DNM3: variants seen among roughly 807,000 people sequenced by gnomAD.
The protein encoded by DNM3 is dynamin-3.
A neutral mutation model predicts 101.6 loss-of-function variants in DNM3; 47 were observed. That is an observed-to-expected ratio of 0.46 (90% confidence interval 0.37 to 0.59). The LOEUF is 0.59. DNM3 is among the 20% of genes least tolerant of loss of function. The pLI is 0.00. For missense variants in DNM3, 849 were observed against 1,085.7 expected (o/e 0.78, Z 3.06); for synonymous variants, 385 against 387.9 (o/e 0.99, Z 0.09).
chr1:172,025,099 G>C lies in DNM3; in HGVS notation c.590-7303G>C, dbSNP rs139589396. ...CAGCAGTCTGAAGTTGACCTGGGAC[G>C]CTTGAGCTTTGTTTGGGGAGGGGCG... On this transcript the variant is annotated intron_variant, in intron 4 of 20. Coordinates refer to ENST00000627582, the MANE Select transcript of DNM3 (RefSeq NM_015569.5). 1.4e-4 allele frequency among the ~76,000 whole-genome samples: 21 copies of C among 152,214 alleles called. 1 individual carries two copies. The highest frequency in any genetic ancestry group is 6.5e-5 in the Admixed American group (1 of 15,288).
intron 4 of DNM3, among the ~76,000 whole-genome samples, chr1:172,000,908 G>C (rs2046319380): frequency 6.6e-6 from 1 of 152,086 alleles, no homozygotes; most frequent in Non-Finnish European, 1.5e-5. Context: ...GTTTCTGAAA[G>C]ATGGGAGATA....
At chr1:172,377,367 T>G (rs1434646545) in intron 17 of DNM3, among the ~76,000 whole-genome samples, 2 of 151,660 alleles carry the variant, frequency 1.3e-5, no homozygotes, top group African/African-American at 4.8e-5. Flanking sequence ...TGGTAGTAGG[T>G]TTATGCTGAA....
intron 13 of DNM3, among the ~76,000 whole-genome samples, chr1:172,095,265 A>C (rs2054169745): frequency 6.6e-6 from 1 of 152,190 alleles, no homozygotes; most frequent in Admixed American, 6.5e-5. Context: ...CTATTTCTGC[A>C]GTGAAACAAA....
intron 14 of DNM3, among the ~76,000 whole-genome samples, chr1:172,178,021 T>C (rs1340194980): frequency 6.6e-6 from 1 of 151,932 alleles, no homozygotes; most frequent in East Asian, 1.9e-4. Context: ...AGCTAGATGG[T>C]CTAGCCCACT....
chr1:172,231,080 T>C (rs1476635988), intron 14 of DNM3, among the ~76,000 whole-genome samples: 1 of 151,862 alleles, frequency 6.6e-6, no homozygotes, highest in Admixed American at 6.5e-5. Context: ...GTGACTACCA[T>C]AGTTATGTCT....
chr1:172,256,294 CTGTT>C (rs201594094), intron 15 of DNM3, among the ~76,000 whole-genome samples: 2,755 of 152,100 alleles, frequency 0.018, 37 homozygotes, highest in Non-Finnish European at 0.028. Flanking sequence ...TATTAGCTGA[CTGTT>C]TGGTGGAAGT....
intron 20 of DNM3, among the ~76,000 whole-genome samples, chr1:172,391,557 G>C (rs545419506): frequency 6.6e-6 from 1 of 152,130 alleles, no homozygotes; most frequent in Non-Finnish European, 1.5e-5. Flanking sequence ...TGAGAGAAGC[G>C]CTTGTTGAAA....
chr1:172,276,556 A>AGTGTGTGTGT (rs1557919059), intron 15 of DNM3, among the ~76,000 whole-genome samples: 1 of 18,650 alleles, frequency 5.4e-5, no homozygotes, highest in African/African-American at 1.4e-4. Context: ...AAAAAATCTT[A>AGTGTGTGTGT]ATGTGTGTGT....
intron 19 of DNM3, among the ~76,000 whole-genome samples, chr1:172,388,059 C>A (rs1174232037): frequency 1.3e-5 from 2 of 151,980 alleles, no homozygotes; most frequent in African/African-American, 4.8e-5. Context: ...CATAGTGAAA[C>A]CCTGTCCCTA....
At chr1:172,309,684 G>A (rs1355695100) in intron 16 of DNM3, 1 of 152,218 alleles carries the variant, frequency 6.6e-6, no homozygotes, top group Admixed American at 6.5e-5. Context: ...TTATAGGAAT[G>A]ATCATGCATG....
chr1:171,928,005 T>C (rs564903585), intron 2 of DNM3, among the ~76,000 whole-genome samples: 12 of 152,184 alleles, frequency 7.9e-5, no homozygotes, highest in African/African-American at 2.7e-4. Context: ...TTGAATACAG[T>C]TGATAGACTT....
chr1:172,303,513 C>G (rs1409587373), intron 15 of DNM3, among the ~76,000 whole-genome samples: 3 of 152,112 alleles, frequency 2.0e-5, no homozygotes, highest in African/African-American at 7.2e-5. Context: ...CTTTCAAATT[C>G]AGGAAATACA....
chr1:172,106,986 G>A (rs2055093191), intron 13 of DNM3, among the ~76,000 whole-genome samples: 2 of 146,172 alleles, frequency 1.4e-5, no homozygotes, highest in Admixed American at 7.0e-5. Flanking sequence ...TCAGCCTCCC[G>A]AGTAGCTGGG....
chr1:172,324,681 G>GA (rs1322414354), intron 17 of DNM3, among the ~76,000 whole-genome samples: 14 of 151,868 alleles, frequency 9.2e-5, no homozygotes, highest in African/African-American at 3.4e-4. Flanking sequence ...AAGACATTTG[G>GA]AAAAAATATA....
intron 1 of DNM3, among the ~76,000 whole-genome samples, chr1:171,842,224 AC>A (rs2031349226): frequency 6.6e-6 from 1 of 151,498 alleles, no homozygotes; most frequent in Non-Finnish European, 1.5e-5. Flanking sequence ...TCCCAGCTCA[AC>A]ACCCCCCTCC....
At chr1:171,925,196 C>T (rs1361976615) in intron 2 of DNM3, among the ~76,000 whole-genome samples, 14 of 151,444 alleles carry the variant, frequency 9.2e-5, no homozygotes, top group African/African-American at 2.7e-4. Flanking sequence ...CCACCATGCC[C>T]GGCCCTTTGC....
At chr1:172,272,660 C>A (rs1285720995) in intron 15 of DNM3, among the ~76,000 whole-genome samples, 3 of 152,142 alleles carry the variant, frequency 2.0e-5, no homozygotes, top group African/African-American at 7.2e-5. Flanking sequence ...AAGTGTCATT[C>A]TTTAGACTTG....
chr1:172,348,628 G>C (rs1234400208), intron 17 of DNM3, among the ~76,000 whole-genome samples: 1 of 152,088 alleles, frequency 6.6e-6, no homozygotes, highest in Admixed American at 6.6e-5. Context: ...GTAATGGAAA[G>C]AAGAAACCCA....
At chr1:172,092,678 C>T in intron 12 of DNM3, 146 bp from the exon 13 acceptor site, 1 of 816,804 alleles carries the variant, frequency 1.2e-6, no homozygotes, top group South Asian at 2.5e-5. Context: ...GTTTTGCTTC[C>T]AGAATTAAAC....
Sources: allele counts gnomAD v4.1 joint callset (sites outside exome capture counted in the v4.1 genomes callset), GRCh38; gene constraint gnomAD v4.1.1; transcripts MANE v1.5; gene names NCBI Gene and HGNC (gene_info 2026-07-23, HGNC 2026-07-21).